Variants in OSBPL10 observed in about 807,000 individuals in gnomAD.
OSBPL10 encodes oxysterol binding protein like 10, also known as oxysterol-binding protein-related protein 10.
In OSBPL10, 49 loss-of-function variants were observed where a neutral mutation model predicts 81.7. The observed-to-expected ratio is 0.60, with a 90% confidence interval of 0.48 to 0.76. The LOEUF (loss-of-function observed/expected upper bound fraction) is 0.76. Among genes scored for constraint, OSBPL10 ranks in the 30% least tolerant of loss-of-function variants. The probability of loss-of-function intolerance (pLI) is 0.00; values close to 1 mark genes in which losing one functional copy is unlikely to be tolerated. For missense variants in OSBPL10, 923 were observed against 987.8 expected (o/e 0.93, Z 0.88); for synonymous variants, 419 against 383.6 (o/e 1.09, Z -1.08).
intron 1 of OSBPL10, among the ~76,000 whole-genome samples, chr3:32,047,151 A>C (rs1699630661): frequency 6.6e-6 from 1 of 152,002 alleles, no homozygotes; most frequent in Non-Finnish European, 1.5e-5. Context: ...TAATTTTCGT[A>C]TTCTTTGTAG....
At chr3:31,872,894 G>C (rs576217217) in intron 3 of OSBPL10, among the ~76,000 whole-genome samples, 1 of 152,298 alleles carries the variant, frequency 6.6e-6, no homozygotes, top group Admixed American at 6.5e-5. Flanking sequence ...AAAGTGCTGG[G>C]ATTACAGGCG....
chr3:31,910,691 C>T (rs780552893), intron 1 of OSBPL10, among the ~76,000 whole-genome samples: 3 of 151,914 alleles, frequency 2.0e-5, no homozygotes, highest in Non-Finnish European at 4.4e-5. Flanking sequence ...GCCAGAGAGT[C>T]TCCTCAGTTG....
intron 1 of OSBPL10, among the ~76,000 whole-genome samples, chr3:31,914,484 C>T (rs1373862840): frequency 1.3e-5 from 2 of 152,166 alleles, no homozygotes; most frequent in East Asian, 3.8e-4. Flanking sequence ...CTAACCACAG[C>T]ACTCTTTTTG....
intron 2 of OSBPL10, chr3:31,990,652 C>T: frequency 6.2e-7 from 1 of 1,614,150 alleles, no homozygotes; most frequent in African/African-American, 1.3e-5. Context: ...ACAAGCAACC[C>T]TTGCACGTCA....
chr3:31,720,124 A>G (rs1456274808), intron 6 of OSBPL10, among the ~76,000 whole-genome samples: 1 of 151,430 alleles, frequency 6.6e-6, no homozygotes, highest in African/African-American at 2.4e-5. Context: ...AAAGACACAC[A>G]GTAGCTCCTT....
intron 2 of OSBPL10, among the ~76,000 whole-genome samples, chr3:32,016,705 T>C (rs138975177): frequency 6.6e-6 from 1 of 152,360 alleles, no homozygotes; most frequent in African/African-American, 2.4e-5. Context: ...AGAGCAATTG[T>C]TGATAGTCTC....
intron 6 of OSBPL10, chr3:31,703,810 A>G (rs1334768844): frequency 6.6e-6 from 1 of 152,190 alleles, no homozygotes; most frequent in East Asian, 1.9e-4. Context: ...AGCCCACAGG[A>G]TATTCCCCCA....
chr3:31,782,560 T>C (rs559031740), intron 4 of OSBPL10, among the ~76,000 whole-genome samples: 5 of 152,260 alleles, frequency 3.3e-5, no homozygotes, highest in African/African-American at 1.2e-4. Flanking sequence ...AGGACTAATA[T>C]GCAGAATGCA....
At chr3:31,909,810 C>T (rs1696520909) in intron 1 of OSBPL10, among the ~76,000 whole-genome samples, 1 of 152,146 alleles carries the variant, frequency 6.6e-6, no homozygotes, top group Non-Finnish European at 1.5e-5. Flanking sequence ...GAATGGCCCC[C>T]ACTCTGAGTA....
At chr3:31,856,069 T>TACACACACACACACAC (rs10576489) in intron 3 of OSBPL10, among the ~76,000 whole-genome samples, 4 of 134,446 alleles carry the variant, frequency 3.0e-5, no homozygotes, top group Non-Finnish European at 6.3e-5. Context: ...ATGTTTATAT[T>TACACACACACACACAC]ACACACACAC....
intron 3 of OSBPL10, among the ~76,000 whole-genome samples, chr3:31,875,082 T>TAAA (rs555527834): frequency 0.2 from 20,905 of 102,518 alleles, 2,004 homozygotes; most frequent in Non-Finnish European, 0.24. Flanking sequence ...ATATATTAAG[T>TAAA]AAAAAAAAAA....
intron 4 of OSBPL10, among the ~76,000 whole-genome samples, chr3:31,789,591 G>T (rs1053629076): frequency 6.6e-6 from 1 of 152,238 alleles, no homozygotes; most frequent in African/African-American, 2.4e-5. Flanking sequence ...AGAGCCGGGA[G>T]CACTGCCAGG....
At chr3:31,760,109 A>G (rs1697989988) in intron 4 of OSBPL10, among the ~76,000 whole-genome samples, 1 of 152,170 alleles carries the variant, frequency 6.6e-6, no homozygotes, top group Non-Finnish European at 1.5e-5. Flanking sequence ...TATATTTACT[A>G]TTCATTAAGT....
At chr3:31,884,651 A>T (rs1695680931) in intron 1 of OSBPL10, among the ~76,000 whole-genome samples, 1 of 152,246 alleles carries the variant, frequency 6.6e-6, no homozygotes, top group Admixed American at 6.5e-5. Context: ...CACAGCTTTC[A>T]TTCTAAATGG....
chr3:31,705,466 A>G (rs1696033928), intron 6 of OSBPL10, among the ~76,000 whole-genome samples: 2 of 150,354 alleles, frequency 1.3e-5, no homozygotes, highest in Admixed American at 6.8e-5. Flanking sequence ...AAAGAGGTCC[A>G]TGGCAATGTA....
At chr3:31,715,689 A>C (rs1264828875) in intron 6 of OSBPL10, among the ~76,000 whole-genome samples, 3 of 152,212 alleles carry the variant, frequency 2.0e-5, no homozygotes, top group Non-Finnish European at 4.4e-5. Flanking sequence ...TCTGTGCCTA[A>C]AAACTTAAAG....
chr3:31,787,590 G>A (rs1483184133), intron 4 of OSBPL10, among the ~76,000 whole-genome samples: 22 of 88,338 alleles, frequency 2.5e-4, no homozygotes, highest in East Asian at 4.5e-4. Context: ...GCAAGACTCC[G>A]CCTCAAAAAA....
chr3:31,807,811 A>G (rs1264894454), intron 4 of OSBPL10, among the ~76,000 whole-genome samples: 1 of 152,198 alleles, frequency 6.6e-6, no homozygotes, highest in Non-Finnish European at 1.5e-5. Context: ...TAGAGGTAAC[A>G]AGACATGATG....
At chr3:31,750,837 A>C (rs989328120) in intron 4 of OSBPL10, among the ~76,000 whole-genome samples, 11 of 152,208 alleles carry the variant, frequency 7.2e-5, no homozygotes, top group African/African-American at 2.7e-4. Flanking sequence ...ACTCATTTCT[A>C]ATCAACAAAA....
Sources: allele counts gnomAD v4.1 joint callset (sites outside exome capture counted in the v4.1 genomes callset), GRCh38; gene constraint gnomAD v4.1.1; transcripts MANE v1.5; gene names NCBI Gene and HGNC (gene_info 2026-07-23, HGNC 2026-07-21).